PLEKHA7: variants seen among roughly 807,000 people sequenced by gnomAD.
PLEKHA7 encodes the protein pleckstrin homology domain containing A7, also known as pleckstrin homology domain-containing family A member 7.
Under a neutral mutation model 170.0 loss-of-function variants are expected in PLEKHA7, and 104 were observed. That is an observed-to-expected ratio of 0.61 (90% CI 0.52 to 0.72). The LOEUF (loss-of-function observed/expected upper bound fraction) is 0.72, where lower values mean the gene tolerates loss of function less well. Ranked by LOEUF, PLEKHA7 falls within the 30% of genes least tolerant of loss-of-function variation. The pLI, the probability that PLEKHA7 is intolerant of heterozygous loss-of-function variation, is 0.00. For synonymous variants in PLEKHA7, 648 were observed against 660.8 expected, an observed-to-expected ratio of 0.98 and a Z score of 0.30; for missense variants, 1,615 against 1,671.7, an observed-to-expected ratio of 0.97 and a Z score of 0.59.
chr11:16,910,739 C>T (rs550757919), intron 3 of PLEKHA7, among the ~76,000 whole-genome samples: 1 of 152,198 alleles, frequency 6.6e-6, no homozygotes, highest in Admixed American at 6.5e-5. Flanking sequence ...GACAGCCCCC[C>T]ACAACAAAGA....
At chr11:16,806,574 G>A (rs754612997) in intron 13 of PLEKHA7, among the ~76,000 whole-genome samples, 8 of 152,102 alleles carry the variant, frequency 5.3e-5, no homozygotes, top group Admixed American at 3.3e-4. Context: ...CCTGCTTCTC[G>A]ATCTGCATCC....
chr11:16,915,452 G>A (rs1241457130), intron 3 of PLEKHA7, among the ~76,000 whole-genome samples: 11 of 151,678 alleles, frequency 7.3e-5, no homozygotes, highest in Admixed American at 3.9e-4. Context: ...ATGCTGGTGC[G>A]CTGCACCCAC....
At chr11:16,933,482 A>C (rs1860083050) in intron 3 of PLEKHA7, among the ~76,000 whole-genome samples, 1 of 152,216 alleles carries the variant, frequency 6.6e-6, no homozygotes, top group African/African-American at 2.4e-5. Context: ...TGGTAGTGCC[A>C]ACAGGACTCA....
In PLEKHA7 at chr11:16,871,143, C is replaced by T. The variant is rs372406927; in HGVS notation, c.261G>A (p.Thr87=). 35 of 1,609,832 alleles carry T rather than the reference C, an allele frequency of 2.2e-5. No homozygotes were observed. Among genetic ancestry groups the T allele is most frequent in the Admixed American group, 1.8e-4 (11 of 59,964 alleles). The change falls in exon 4 of 27, where the codon ACG becomes ACA. Residue 87 remains threonine, a synonymous_variant. Transcript: ENST00000531066. ...QQTTAFRHPV[T]GQFSPENSEF... ...CACTATTTTCTGGAGAAAACTGTCC[C>T]GTCACAGGATGCCTGAATGCTGTGG...
chr11:16,781,615 C>A (rs779738849), intron 26 of PLEKHA7, among the ~76,000 whole-genome samples: 1 of 152,194 alleles, frequency 6.6e-6, no homozygotes, highest in Non-Finnish European at 1.5e-5. Flanking sequence ...CTCGAAGGGA[C>A]AGAGGACAGC....
intron 3 of PLEKHA7, among the ~76,000 whole-genome samples, chr11:16,910,865 C>T (rs1286458986): frequency 1.3e-5 from 2 of 152,214 alleles, no homozygotes; most frequent in East Asian, 3.8e-4. Context: ...GTGGAGATAA[C>T]ATTCTGGACT....
At chr11:16,991,771 G>A (rs1213211450) in intron 3 of PLEKHA7, among the ~76,000 whole-genome samples, 1 of 152,152 alleles carries the variant, frequency 6.6e-6, no homozygotes, top group Non-Finnish European at 1.5e-5. Context: ...GCGGAGAGGT[G>A]CCATGACCCA....
At chr11:16,943,077 A>T (rs1860797325) in intron 3 of PLEKHA7, among the ~76,000 whole-genome samples, 1 of 152,248 alleles carries the variant, frequency 6.6e-6, no homozygotes, top group Non-Finnish European at 1.5e-5. Flanking sequence ...CCCAAAGCTA[A>T]CCTAACACTT....
chr11:16,950,500 C>CTTT (rs35252481), intron 3 of PLEKHA7, among the ~76,000 whole-genome samples: 6 of 145,348 alleles, frequency 4.1e-5, no homozygotes, highest in Admixed American at 1.4e-4. Flanking sequence ...AGAGATAAGA[C>CTTT]TTTTTTTTTT....
chr11:16,847,349 C>G (rs547140041), intron 8 of PLEKHA7, among the ~76,000 whole-genome samples: 1 of 152,170 alleles, frequency 6.6e-6, no homozygotes, highest in South Asian at 2.1e-4. Context: ...CCCTCTGCCT[C>G]CCAAAGTCCT....
In PLEKHA7 at chr11:16,897,908, C is replaced by G. The variant is rs147635736; in HGVS notation, c.222-26726G>C. On this transcript the variant is annotated intron_variant, in intron 3 of 26. Transcript: ENST00000531066. ...AATGACAAACGCTCATTTCAGGGCT[C>G]TGGGTGGCAATCACTACCCACTTCC... 7.4e-3 allele frequency among the ~76,000 whole-genome samples: 1,125 copies of G among 152,280 alleles called. 17 individuals are homozygous for G. Among genetic ancestry groups the G allele is most frequent in the African/African-American group, 0.025 (1,036 of 41,552 alleles).
At chr11:16,948,299 A>G (rs912056807) in intron 3 of PLEKHA7, among the ~76,000 whole-genome samples, 1 of 152,238 alleles carries the variant, frequency 6.6e-6, no homozygotes, top group African/African-American at 2.4e-5. Flanking sequence ...CGTATACTCA[A>G]AAATTGCTGA....
At position 16,783,815 on chromosome 11, in the gene PLEKHA7, C is replaced by A. The variant is rs771815099; in HGVS notation, c.3535G>T (p.Val1179Leu). 4 of 1,501,610 alleles carry A rather than the reference C, an allele frequency of 2.7e-6. No individual in the cohort carries two copies. The allele number at this position is 1,501,610 out of a possible 1,614,324, so 93.0% of individuals were successfully genotyped here. Residue 1179 changes from valine (V) to leucine (L), a missense_variant, in exon 25 of 27, where the codon GTG becomes TTG. Transcript: ENST00000531066. Reference sequence around the variant, plus strand: ...TCCACGTAGCGCTCAGGGATTGACACCTTCTCTGGTTTGGACAGCTGGGGA... The same window carrying A: ...TCCACGTAGCGCTCAGGGATTGACAACTTCTCTGGTTTGGACAGCTGGGGA... Reference protein sequence around the residue: ...ISRELSKPEKVSIPERYVELD... With the variant: ...ISRELSKPEKLSIPERYVELD...
intron 17 of PLEKHA7, among the ~76,000 whole-genome samples, chr11:16,799,773 T>C (rs751530220): frequency 6.6e-6 from 1 of 152,160 alleles, no homozygotes; most frequent in Non-Finnish European, 1.5e-5. Context: ...AGAGAAATTA[T>C]GGGAGGAAAA....
At chr11:16,905,259 T>G (rs1857581376) in intron 3 of PLEKHA7, among the ~76,000 whole-genome samples, 2 of 152,080 alleles carry the variant, frequency 1.3e-5, no homozygotes, top group African/African-American at 4.8e-5. Flanking sequence ...TGTCTCAAAT[T>G]TTAAAAATAA....
chr11:16,994,784 C>T (rs1361862556), intron 3 of PLEKHA7, among the ~76,000 whole-genome samples: 1 of 152,168 alleles, frequency 6.6e-6, no homozygotes, highest in Non-Finnish European at 1.5e-5. Flanking sequence ...TCTCCAACCC[C>T]AAGCCTCCCC....
chr11:16,995,636 G>C (rs1306858424), intron 3 of PLEKHA7, among the ~76,000 whole-genome samples: 2 of 152,092 alleles, frequency 1.3e-5, no homozygotes, highest in African/African-American at 4.8e-5. Flanking sequence ...ATATCCCCCA[G>C]AGTATAACAA....
chr11:16,878,312 C>A (rs1257153065), intron 3 of PLEKHA7, among the ~76,000 whole-genome samples: 1 of 152,210 alleles, frequency 6.6e-6, no homozygotes, highest in Non-Finnish European at 1.5e-5. Context: ...CCATTCTCCT[C>A]ACTGGATGCC....
At chr11:16,825,167 A>C (rs2134923046) in intron 10 of PLEKHA7, among the ~76,000 whole-genome samples, 1 of 152,382 alleles carries the variant, frequency 6.6e-6, no homozygotes. Context: ...GGTTACAGCA[A>C]CGTACATATG....
Sources: allele counts gnomAD v4.1 joint callset (sites outside exome capture counted in the v4.1 genomes callset), GRCh38; gene constraint gnomAD v4.1.1; transcripts MANE v1.5; gene names NCBI Gene and HGNC (gene_info 2026-07-23, HGNC 2026-07-21).